Variants in PRKAR1B observed in about 807,000 individuals in gnomAD.
The protein encoded by PRKAR1B is cAMP-dependent protein kinase type I-beta regulatory subunit.
A neutral mutation model predicts 46.5 loss-of-function variants in PRKAR1B; 22 were observed. The ratio of observed to expected loss-of-function variants is 0.47; its 90% CI spans 0.34 to 0.68. The LOEUF (loss-of-function observed/expected upper bound fraction) is 0.68. Among genes scored for constraint, PRKAR1B ranks in the 30% least tolerant of loss-of-function variants. PRKAR1B has a pLI of 0.01. For synonymous variants in PRKAR1B, 259 were observed against 217.7 expected (o/e 1.19, Z -1.67); for missense variants, 445 against 535.6 (o/e 0.83, Z 1.67).
At chr7:623,387 C>T (rs1783214725) in intron 4 of PRKAR1B, among the ~76,000 whole-genome samples, 1 of 152,230 alleles carries the variant, frequency 6.6e-6, no homozygotes, top group South Asian at 2.1e-4. Flanking sequence ...GGTTCCAGAA[C>T]CTTCTTCTAG....
At chr7:607,476 T>C in intron 4 of PRKAR1B, 24 bp from the exon 5 acceptor site, 1 of 1,606,056 alleles carries the variant, frequency 6.2e-7, no homozygotes, top group South Asian at 1.1e-5. Context: ...CACGCCAAAT[T>C]AGGGCTGCAG....
intron 9 of PRKAR1B, among the ~76,000 whole-genome samples, chr7:558,005 G>A (rs769460742): frequency 3.9e-5 from 6 of 152,038 alleles, no homozygotes; most frequent in Non-Finnish European, 7.3e-5. Context: ...CGACTATTTT[G>A]ATTTTTTAAA....
chr7:702,257 TA>T (rs531022620), intron 2 of PRKAR1B, among the ~76,000 whole-genome samples: 4 of 148,748 alleles, frequency 2.7e-5, no homozygotes, highest in African/African-American at 9.9e-5. Context: ...CAGTAAGTAC[TA>T]AAAAATAATC....
intron 4 of PRKAR1B, among the ~76,000 whole-genome samples, chr7:670,157 C>T (rs1786154594): frequency 6.6e-6 from 1 of 151,946 alleles, no homozygotes; most frequent in Non-Finnish European, 1.5e-5. Flanking sequence ...CGTGAGCCAC[C>T]GCGCCCAGCC....
At chr7:687,490 T>A (rs185805972) in intron 2 of PRKAR1B, among the ~76,000 whole-genome samples, 1 of 152,282 alleles carries the variant, frequency 6.6e-6, no homozygotes, top group Non-Finnish European at 1.5e-5. Flanking sequence ...ATTAATAACC[T>A]GGAAAATAGA....
intron 1 of PRKAR1B, among the ~76,000 whole-genome samples, chr7:719,582 G>C (rs914778635): frequency 1.3e-5 from 2 of 152,176 alleles, no homozygotes; most frequent in Admixed American, 6.5e-5. Flanking sequence ...CCCAAGGCCT[G>C]TTTCATTTGT....
rs149047479 is a variant in PRKAR1B at position 682,838 on chromosome 7, A to T, written c.178-2112T>A. The stretch of plus-strand genomic sequence containing the variant: ...TGCAGAAGCAATGCTGGCTCACATG[A>T]CCTGAGTGTTCACCTTGGTCACTCA... On this transcript the variant is annotated intron_variant, in intron 2 of 10. Transcript: ENST00000537384. 3.4e-3 allele frequency among the ~76,000 whole-genome samples: 520 copies of T among 152,222 alleles called. 6 individuals are homozygous for T. The highest frequency in any genetic ancestry group is 0.012 in the African/African-American group (503 of 41,540).
rs114991984 is a variant in PRKAR1B at position 697,614 on chromosome 7, T to G, written c.177+13715A>C. ...CCTAAATCTCAAGCGCCAGTTGTAT[T>G]TGAGGACCAGGGGTCTCCAGGAGAG... On this transcript the variant is annotated intron_variant, in intron 2 of 10. Transcript: ENST00000537384. Among the ~76,000 whole-genome samples, 1,303 of 152,032 alleles carry G rather than the reference T, an allele frequency of 8.6e-3. 12 individuals carry two copies. The highest frequency in any genetic ancestry group is 0.031 in the Middle Eastern group (9 of 294).
intron 2 of PRKAR1B, among the ~76,000 whole-genome samples, chr7:688,986 A>C (rs758658049): frequency 6.6e-6 from 1 of 152,262 alleles, no homozygotes; most frequent in South Asian, 2.1e-4. Flanking sequence ...GCAACAGACA[A>C]TACAAAGAGA....
chr7:553,359 G>A (rs1346935708), intron 9 of PRKAR1B, among the ~76,000 whole-genome samples: 1 of 152,214 alleles, frequency 6.6e-6, no homozygotes, highest in African/African-American at 2.4e-5. Context: ...ACTCTGAGCA[G>A]CTCTCTCTGC....
At chr7:716,278 G>A (rs971118829) in intron 1 of PRKAR1B, among the ~76,000 whole-genome samples, 6 of 143,544 alleles carry the variant, frequency 4.2e-5, no homozygotes, top group Admixed American at 2.1e-4. Flanking sequence ...GGCTAGTCTC[G>A]AATTCCTGGC....
chr7:630,915 G>A (rs1458108080), intron 4 of PRKAR1B, among the ~76,000 whole-genome samples: 2 of 151,342 alleles, frequency 1.3e-5, no homozygotes, highest in South Asian at 2.1e-4. Context: ...CCTGACCATC[G>A]CCTGGTTTCA....
chr7:598,065 G>A (rs1781367560), intron 6 of PRKAR1B, among the ~76,000 whole-genome samples: 1 of 152,168 alleles, frequency 6.6e-6, no homozygotes, highest in Admixed American at 6.5e-5. Flanking sequence ...GTGCTGCCAG[G>A]AGCATCCCTG....
intron 9 of PRKAR1B, among the ~76,000 whole-genome samples, chr7:564,342 A>C: frequency 6.6e-6 from 1 of 152,056 alleles, no homozygotes; most frequent in East Asian, 1.9e-4. Flanking sequence ...CTCCGTGGCC[A>C]GCCTCAACCT....
In PRKAR1B at chr7:559,159, C is replaced by T. The variant is rs556051379; in HGVS notation, c.892-7689G>A. Reference sequence around the variant, plus strand: ...GGCCACATCCCTGCCCGGACCAGGACTCGGCACCCAGAGGGGAGGCAGACA... The same window carrying T: ...GGCCACATCCCTGCCCGGACCAGGATTCGGCACCCAGAGGGGAGGCAGACA... On this transcript the variant is annotated intron_variant, in intron 9 of 10. Coordinates refer to ENST00000537384, the MANE Select transcript of PRKAR1B (RefSeq NM_001164760.2). Among the ~76,000 whole-genome samples, 207 of 152,356 alleles carry T rather than the reference C, an allele frequency of 1.4e-3. 1 individual carries two copies. Among genetic ancestry groups the T allele is most frequent in the African/African-American group, 4.9e-3 (204 of 41,580 alleles).
intron 6 of PRKAR1B, among the ~76,000 whole-genome samples, chr7:599,246 C>T (rs747719538): frequency 6.6e-6 from 1 of 152,218 alleles, no homozygotes; most frequent in Non-Finnish European, 1.5e-5. Context: ...GGGCCCCACC[C>T]CAGCTGGTAC....
chr7:554,778 C>T lies in PRKAR1B; in HGVS notation c.892-3308G>A, dbSNP rs1036559502. 5.3e-5 allele frequency among the ~76,000 whole-genome samples: 8 copies of T among 151,580 alleles called. No individual in the cohort carries two copies. In the East Asian group the frequency reaches 7.8e-4, roughly 15 times the overall value. ...CAGAGCCGGAAGACAGGGGAGGCCA[C>T]GGATCCCACAGAGCCGGAAGACAGG... On this transcript the variant is annotated intron_variant, in intron 9 of 10. Transcript: ENST00000537384.
rs117846824 is a variant in PRKAR1B, at chr7:667,859, T to C, written c.440+9370A>G. Among the ~76,000 whole-genome samples, 1,311 of 152,308 alleles carry C rather than the reference T, an allele frequency of 8.6e-3. 13 individuals carry two copies. The highest frequency in any genetic ancestry group is 0.031 in the Middle Eastern group (9 of 294). ...CCCTTCGATCAAGGCCAACTAGCAA[T>C]ACCACCATCCTAGAAGGACAGGCAG... On this transcript the variant is annotated intron_variant, in intron 4 of 10. Coordinates refer to ENST00000537384, the MANE Select transcript of PRKAR1B (RefSeq NM_001164760.2). This position sits in a 1 kb window ranked among gnomAD's most constrained non-coding sequence, Gnocchi z 4.3.
chr7:719,209 T>C (rs1375314133), intron 1 of PRKAR1B, among the ~76,000 whole-genome samples: 1 of 151,954 alleles, frequency 6.6e-6, no homozygotes, highest in East Asian at 1.9e-4. Flanking sequence ...CCGACTAATT[T>C]TTGTATTTTT....
Sources: gnomAD v4.1 joint callset for allele counts (sites outside exome capture counted in the v4.1 genomes callset) on GRCh38, gnomAD v4.1.1 for gene constraint, Gnocchi (gnomAD v3.1) non-coding constraint, MANE v1.5 for transcripts, NCBI Gene and HGNC (gene_info 2026-07-23, HGNC 2026-07-21) for gene names.